UCKL1: variants seen among roughly 807,000 people sequenced by gnomAD.
UCKL1 encodes uridine-cytidine kinase-like 1.
UCKL1 carries 65 observed loss-of-function variants against 59.2 expected under a neutral mutation model. The observed-to-expected ratio is 1.10, with a 90% CI of 0.90 to 1.35. The LOEUF (loss-of-function observed/expected upper bound fraction) is 1.35, where lower values mean the gene tolerates loss of function less well. UCKL1 is among the 40% of genes most tolerant of loss of function. The pLI, the probability that UCKL1 is intolerant of heterozygous loss-of-function variation, is 0.00. For missense variants in UCKL1, 703 were observed against 784.3 expected (o/e 0.90, Z 1.24); for synonymous variants, 410 against 323.1 (o/e 1.27, Z -2.88).
At chr20:63,955,578 C>T (rs1476952688) in intron 1 of UCKL1, 1 of 152,194 alleles carries the variant, frequency 6.6e-6, no homozygotes, top group African/African-American at 2.4e-5. Context: ...GCGGGCTCCC[C>T]AAGGGACACT....
intron 1 of UCKL1, among the ~76,000 whole-genome samples, chr20:63,950,016 A>T (rs749778702): frequency 5.6e-4 from 85 of 152,184 alleles, no homozygotes; most frequent in Non-Finnish European, 9.3e-4. Context: ...TCCTCATCCT[A>T]CTGAAGTAAC....
intron 13 of UCKL1, 24 bp downstream of exon 13, chr20:63,940,354 C>T: frequency 6.2e-7 from 1 of 1,611,794 alleles, no homozygotes; most frequent in Non-Finnish European, 8.5e-7. Flanking sequence ...CTGAACCTGC[C>T]CCGCCTACCC....
At position 63,939,844 on chromosome 20, in the gene UCKL1, C is replaced by CTTTA. The variant is rs754642648; in HGVS notation, c.*128_*131dup. The CTTTA allele has an allele frequency of 3.4e-6, 3 of 871,152 alleles. No individual in the cohort carries two copies. Among genetic ancestry groups the CTTTA allele is most frequent in the Non-Finnish European group, 5.2e-6 (3 of 577,656 alleles). The allele number at this position is 871,152 out of a possible 1,614,324, so 54.0% of individuals were successfully genotyped here. On this transcript the variant is annotated 3_prime_UTR_variant, in exon 15 of 15. Coordinates refer to ENST00000354216, the MANE Select transcript of UCKL1 (RefSeq NM_017859.4). ...CAATCACACCTTCATTTTTCTAAAG[C>CTTTA]TTTATTTATTTTATAAAATGCATAG... is the stretch of plus-strand genomic sequence containing the variant.
Position 63,946,452 on chromosome 20 carries a change from C to G in UCKL1, c.304+1G>C. The G allele has an allele frequency of 1.3e-6, 2 of 1,554,338 alleles. No homozygotes were observed. Among genetic ancestry groups the G allele is most frequent in the Non-Finnish European group, 1.7e-6 (2 of 1,149,052 alleles). ...AGGTCCCACCCCCCCGCTGCTCTCA[C>G]CGATGGCGAAGGCCTCTTTGGATTG... On this transcript the variant is annotated splice_donor_variant, in intron 2 of 14. Coordinates refer to ENST00000354216, the MANE Select transcript of UCKL1 (RefSeq NM_017859.4). LOFTEE classifies it high-confidence loss of function.
At chr20:63,950,833 G>C in intron 1 of UCKL1, 1 of 1,518,134 alleles carries the variant, frequency 6.6e-7, no homozygotes, top group Non-Finnish European at 8.8e-7. Context: ...TCATGGTCGA[G>C]GACACGGGTG....
chr20:63,941,275 G>A, intron 8 of UCKL1, 67 bp from the exon 9 acceptor site: 1 of 1,455,716 alleles, frequency 6.9e-7, no homozygotes, highest in Non-Finnish European at 9.1e-7. Flanking sequence ...CTCCCCACAG[G>A]ACGGCTGTGC....
intron 1 of UCKL1, chr20:63,951,074 A>T (rs2057517087): frequency 4.2e-6 from 5 of 1,203,690 alleles, no homozygotes; most frequent in Non-Finnish European, 5.2e-6. Context: ...GCTGCCTGCC[A>T]AATGTCAGCA....
intron 1 of UCKL1, among the ~76,000 whole-genome samples, chr20:63,949,419 TGTCA>T (rs1569131570): frequency 6.6e-6 from 1 of 151,934 alleles, no homozygotes. Flanking sequence ...CCTGAAGGGC[TGTCA>T]GTCAAGAAGG....
intron 8 of UCKL1, 104 bp from the exon 9 acceptor site, chr20:63,941,312 A>G: frequency 2.1e-6 from 3 of 1,445,396 alleles, no homozygotes; most frequent in Non-Finnish European, 2.8e-6. Flanking sequence ...CACACGGGCC[A>G]GGCACAGCAC....
Position 63,945,937 on chromosome 20 carries a change from GT to G in UCKL1, c.449del (p.Asn150ThrfsTer23). 1 of 1,613,820 alleles carries G rather than the reference GT, an allele frequency of 6.2e-7. No homozygotes were observed. The highest frequency in any genetic ancestry group is 8.5e-7 in the Non-Finnish European group (1 of 1,179,978). ...CATCTGGGTGGTCGAAGTTGAAGTTGTTGTGTGCGGCCTGTTCCTGCTGCTG... is the reference window on the plus strand; with the variant it reads ...CATCTGGGTGGTCGAAGTTGAAGTTGTGTGTGCGGCCTGTTCCTGCTGCTG... ...TEQQQEQAAHNNFNFDHPDAF... is the reference protein window; with the variant it reads ...TEQQQEQAAHXNFNFDHPDAF... On this transcript the variant is annotated frameshift_variant, in exon 4 of 15. Transcript: ENST00000354216. LOFTEE classifies it high-confidence loss of function.
rs1442388256 is a variant in UCKL1 at position 63,956,280 on chromosome 20, G to C, written c.93C>G (p.Ser31Arg). ...RDTPGRQAEK[S>R]ETACEDRSNA... ...CCTACCGGTCCTCGCACGCGGTCTCGCTTTTCTCAGCCTGCCGGCCTGGTG... is the reference window on the plus strand; with the variant it reads ...CCTACCGGTCCTCGCACGCGGTCTCCCTTTTCTCAGCCTGCCGGCCTGGTG... Residue 31 changes from serine to arginine, a missense_variant, in exon 1 of 15, where the codon AGC becomes AGG. Transcript: ENST00000354216. 1.3e-6 allele frequency: 2 copies of C among 1,556,794 alleles called. No individual in the cohort carries two copies. Among genetic ancestry groups the C allele is most frequent in the African/African-American group, 1.4e-5 (1 of 70,428 alleles).
At chr20:63,952,932 C>T (rs565380753) in intron 1 of UCKL1, among the ~76,000 whole-genome samples, 82 of 152,376 alleles carry the variant, frequency 5.4e-4, no homozygotes, top group Middle Eastern at 3.4e-3. Flanking sequence ...GATCAGGCCC[C>T]ATAACTGATG....
Position 63,956,183 on chromosome 20 carries a change from G to C in UCKL1, c.113+77C>G, listed in dbSNP as rs994928363. The C allele has an allele frequency of 6.9e-6, 9 of 1,307,542 alleles. No homozygotes were observed. In the East Asian group the frequency reaches 2.5e-4, roughly 37 times the overall value. The allele number at this position is 1,307,542 out of a possible 1,614,324, so 81.0% of individuals were successfully genotyped here. The stretch of plus-strand genomic sequence containing the variant: ...GGGGACTTGGGCTCGCGGCGGGGAC[G>C]GACCACCCGCCCAGCTCGGCCGGAT... On this transcript the variant is annotated intron_variant, in intron 1 of 14. Coordinates refer to ENST00000354216, the MANE Select transcript of UCKL1 (RefSeq NM_017859.4).
intron 1 of UCKL1, among the ~76,000 whole-genome samples, chr20:63,948,633 A>AGGGGCGTGTGTG (rs1569123542): frequency 8.5e-4 from 3 of 3,534 alleles, no homozygotes; most frequent in African/African-American, 2.9e-3. Flanking sequence ...TGTGAGAGGG[A>AGGGGCGTGTGTG]AGGGGCGTGT....
chr20:63,946,029 G>A, intron 3 of UCKL1, 54 bp from the exon 4 acceptor site: 1 of 1,611,532 alleles, frequency 6.2e-7, no homozygotes, highest in Non-Finnish European at 8.5e-7. Context: ...CTCACCCAAT[G>A]CCAGCGGACA....
chr20:63,946,328 C>T (rs2056191874), intron 2 of UCKL1, 61 bp from the exon 3 acceptor site: 1 of 1,540,020 alleles, frequency 6.5e-7, no homozygotes, highest in Non-Finnish European at 8.8e-7. Flanking sequence ...CAGATAGGTC[C>T]CAGAGGTGCC....
chr20:63,941,812 C>T (rs892113563), intron 8 of UCKL1, among the ~76,000 whole-genome samples: 1 of 146,202 alleles, frequency 6.8e-6, no homozygotes, highest in Non-Finnish European at 1.5e-5. Context: ...AGAGGTGGGA[C>T]AGGGAGGAGG....
At chr20:63,946,921 T>G (rs2056395458) in intron 1 of UCKL1, among the ~76,000 whole-genome samples, 1 of 150,716 alleles carries the variant, frequency 6.6e-6, no homozygotes, top group South Asian at 2.1e-4. Flanking sequence ...CTACTAAAAA[T>G]TAAAAAAAAA....
intron 1 of UCKL1, among the ~76,000 whole-genome samples, chr20:63,948,880 G>T (rs997834433): frequency 1.3e-5 from 2 of 151,974 alleles, no homozygotes; most frequent in Non-Finnish European, 2.9e-5. Flanking sequence ...GGCATCTCCA[G>T]CGTGGGAACA....
Sources: gnomAD v4.1 joint callset for allele counts (sites outside exome capture counted in the v4.1 genomes callset) on GRCh38, gnomAD v4.1.1 for gene constraint, MANE v1.5 for transcripts, NCBI Gene and HGNC (gene_info 2026-07-23, HGNC 2026-07-21) for gene names.